Variants in CLYBL observed in about 807,000 individuals in gnomAD.
The protein encoded by CLYBL is citramalyl-CoA lyase, also known as citramalyl-CoA lyase, mitochondrial.
A neutral mutation model predicts 38.9 loss-of-function variants in CLYBL; 31 were observed. The observed-to-expected ratio is 0.80, with a 90% CI of 0.60 to 1.08. The LOEUF is 1.08. Among genes scored for constraint, CLYBL ranks in the 50% least tolerant of loss-of-function variants. CLYBL has a pLI of 0.00. For synonymous variants in CLYBL, 171 were observed against 158.6 expected (o/e 1.08, Z -0.59); for missense variants, 434 against 411.6 (o/e 1.05, Z -0.47).
chr13:99,862,876 A>G (rs1284597421), intron 3 of CLYBL, 115 bp from the exon 4 acceptor site: 1 of 458,526 alleles, frequency 2.2e-6, no homozygotes, highest in Non-Finnish European at 3.8e-6. Flanking sequence ...GTGTGGACGA[A>G]AGAGGCTTGG....
chr13:99,758,385 T>C (rs1425121014), intron 1 of CLYBL, among the ~76,000 whole-genome samples: 1 of 152,220 alleles, frequency 6.6e-6, no homozygotes, highest in East Asian at 1.9e-4. Context: ...ACCAGATTTT[T>C]TCAACGCATC....
chr13:99,763,959 A>G (rs2049217200), intron 1 of CLYBL, among the ~76,000 whole-genome samples: 2 of 151,528 alleles, frequency 1.3e-5, no homozygotes, highest in African/African-American at 4.9e-5. Context: ...TTTTTTCGTC[A>G]TGTCCTTCTC....
intron 2 of CLYBL, among the ~76,000 whole-genome samples, chr13:99,807,447 C>T (rs912194012): frequency 1.3e-5 from 2 of 152,132 alleles, no homozygotes; most frequent in South Asian, 2.1e-4. Flanking sequence ...GGTGCCCGCT[C>T]ACAGATGAAC....
At chr13:99,716,203 T>C (rs1256488923) in intron 1 of CLYBL, among the ~76,000 whole-genome samples, 1 of 117,860 alleles carries the variant, frequency 8.5e-6, no homozygotes, top group African/African-American at 3.3e-5. Flanking sequence ...TTTTTTTTTT[T>C]TTTTAGAGAC....
chr13:99,873,392 A>G (rs2051958865), intron 7 of CLYBL, among the ~76,000 whole-genome samples: 1 of 152,202 alleles, frequency 6.6e-6, no homozygotes, highest in Non-Finnish European at 1.5e-5. Context: ...TTTATGTCAA[A>G]TGTGAATCAC....
chr13:99,725,839 A>G (rs2048463436), intron 1 of CLYBL, among the ~76,000 whole-genome samples: 1 of 152,076 alleles, frequency 6.6e-6, no homozygotes, highest in Non-Finnish European at 1.5e-5. Flanking sequence ...TACTCATTTG[A>G]TGCAGGAGGG....
chr13:99,857,911 G>GAGAATGAGAAT (rs1242383226), intron 2 of CLYBL, among the ~76,000 whole-genome samples: 71 of 152,278 alleles, frequency 4.7e-4, no homozygotes, highest in African/African-American at 1.7e-3. Flanking sequence ...TTTGATAAGT[G>GAGAATGAGAAT]TTCATTCTGA....
chr13:99,609,646 C>T (rs946209105), intron 1 of CLYBL, among the ~76,000 whole-genome samples: 13 of 152,150 alleles, frequency 8.5e-5, no homozygotes, highest in Non-Finnish European at 1.6e-4. Flanking sequence ...AAGCTGTCCT[C>T]CCACCTCAGC....
intron 1 of CLYBL, among the ~76,000 whole-genome samples, chr13:99,637,525 C>A (rs1472539197): frequency 1.3e-5 from 2 of 152,152 alleles, no homozygotes; most frequent in Non-Finnish European, 2.9e-5. Context: ...CTTTGGGAGG[C>A]CGAGGCGGGT....
At chr13:99,732,370 A>G (rs185195423) in intron 1 of CLYBL, among the ~76,000 whole-genome samples, 1 of 151,758 alleles carries the variant, frequency 6.6e-6, no homozygotes, top group African/African-American at 2.4e-5. Flanking sequence ...AGTTTTGTAT[A>G]TTTCGTAGAG....
chr13:99,769,389 G>A (rs543965929), intron 1 of CLYBL, among the ~76,000 whole-genome samples: 215 of 152,290 alleles, frequency 1.4e-3, no homozygotes, highest in Non-Finnish European at 2.4e-3. Flanking sequence ...AAGATTGCTG[G>A]TGCTTTCTAC....
rs377732723 is a variant in CLYBL at position 99,748,026 on chromosome 13, A to G, written c.63-24798A>G. Among the ~76,000 whole-genome samples the G allele has an allele frequency of 2.0e-5, 3 of 152,252 alleles. No homozygotes were observed. The East Asian group carries it at 5.8e-4, about 29-fold the overall frequency. ...AGTACATTATGATTATTGTGCGACC[A>G]TCCCCACCACCCATCTCCAGAATTT... On this transcript the variant is annotated intron_variant, in intron 1 of 8. Coordinates refer to ENST00000339105, the MANE Select transcript of CLYBL (RefSeq NM_206808.5).
intron 1 of CLYBL, among the ~76,000 whole-genome samples, chr13:99,701,472 T>C (rs59994647): frequency 0.48 from 72,554 of 151,432 alleles, 17,856 homozygotes; most frequent in Middle Eastern, 0.57. Flanking sequence ...CCACCACGCC[T>C]GGCTAATTTT....
Position 99,849,506 on chromosome 13 carries a change from CTG to C in CLYBL, c.250-9353_250-9352del, listed in dbSNP as rs1315993218. ...CCAGCCTGGCTGACACAGCAAGACC[CTG>C]TCTCTTAAAAAAAGTCTGTGCAAAG... is the stretch of plus-strand genomic sequence containing the variant. On this transcript the variant is annotated intron_variant, in intron 2 of 8. Coordinates refer to ENST00000339105, the MANE Select transcript of CLYBL (RefSeq NM_206808.5). This position sits in a 1 kb window ranked among gnomAD's most constrained non-coding sequence, Gnocchi z 4.9. Among the ~76,000 whole-genome samples, 1 of 152,204 alleles carries C rather than the reference CTG, an allele frequency of 6.6e-6. No individual in the cohort carries two copies. Among genetic ancestry groups the C allele is most frequent in the African/African-American group, 2.4e-5 (1 of 41,450 alleles).
rs577569734 is a variant in CLYBL, at chr13:99,902,967, G to A, written c.*25-2303G>A. 1.1e-4 allele frequency among the ~76,000 whole-genome samples: 16 copies of A among 152,272 alleles called. No homozygotes were observed. In the South Asian group the frequency reaches 2.9e-3, roughly 28 times the overall value. On this transcript the variant is annotated intron_variant and NMD_transcript_variant, in intron 8 of 9. Transcript: ENST00000689673. Reference sequence around the variant, plus strand: ...CGCACATTTCTGATGGCAGTGTTCCGTCTTTGACTTGTATTTCTAATCCAA... The same window carrying A: ...CGCACATTTCTGATGGCAGTGTTCCATCTTTGACTTGTATTTCTAATCCAA...
At chr13:99,649,088 T>C (rs936573321) in intron 1 of CLYBL, among the ~76,000 whole-genome samples, 3 of 152,106 alleles carry the variant, frequency 2.0e-5, no homozygotes, top group Non-Finnish European at 4.4e-5. Flanking sequence ...CCAATGTGTT[T>C]GGCTTTGGAT....
At chr13:99,709,001 G>GA in intron 1 of CLYBL, among the ~76,000 whole-genome samples, 1 of 152,218 alleles carries the variant, frequency 6.6e-6, no homozygotes, top group South Asian at 2.1e-4. Context: ...GCTGAGGCAG[G>GA]AGAACTGCTT....
At chr13:99,870,381 AAC>A (rs1408707652) in intron 6 of CLYBL, among the ~76,000 whole-genome samples, 2 of 152,194 alleles carry the variant, frequency 1.3e-5, no homozygotes, top group African/African-American at 4.8e-5. Context: ...TTAAAAGAAA[AAC>A]AATTAAATAT....
At chr13:99,792,424 C>G (rs943624526) in intron 2 of CLYBL, among the ~76,000 whole-genome samples, 3 of 152,164 alleles carry the variant, frequency 2.0e-5, no homozygotes, top group Non-Finnish European at 2.9e-5. Flanking sequence ...ATCAGAGCAG[C>G]CGCTCTCTTC....
Sources: gnomAD v4.1 joint callset for allele counts (sites outside exome capture counted in the v4.1 genomes callset) on GRCh38, gnomAD v4.1.1 for gene constraint, Gnocchi (gnomAD v3.1) non-coding constraint, MANE v1.5 for transcripts, NCBI Gene and HGNC (gene_info 2026-07-23, HGNC 2026-07-21) for gene names.